The following FAM47C variants were observed in gnomAD, a reference collection of about 807,000 sequenced individuals.
FAM47C encodes putative protein FAM47C.
For synonymous variants in FAM47C, 307 were observed against 346.5 expected, an observed-to-expected ratio of 0.89 and a Z score of 1.27; for missense variants, 847 against 879.9, an observed-to-expected ratio of 0.96 and a Z score of 0.47.
In FAM47C at chrX:37,009,612, C is replaced by T. The variant is rs542100893; in HGVS notation, c.1202C>T (p.Pro401Leu). ...RPETPKNGVS[P>L]LFPEPPKTRI... ...GAGACCCCCAAGAATGGAGTGTCTC[C>T]TCTCTTCCCGGAGCCTCCCAAGACT... The change falls in exon 1 of 1, where the codon CCT becomes CTT. Residue 401 changes from proline to leucine, a missense_variant. Transcript: ENST00000358047. 13 of 1,188,978 alleles carry T rather than the reference C, an allele frequency of 1.1e-5. No individual in the cohort carries two copies. Among genetic ancestry groups the T allele is most frequent in the African/African-American group, 5.8e-5 (3 of 51,760 alleles).
rs1209263193 is a variant in FAM47C, at chrX:37,010,889, C to T, written c.2479C>T (p.Leu827=). 8.2e-7 allele frequency: 1 copy of T among 1,212,163 alleles called. No homozygotes were observed. The stretch of plus-strand genomic sequence containing the variant: ...GACCGGAGCGTCCCATCTAAAAGAA[C>T]TGTTTCAGGAAGGTACATCAAGCAC... The part of the protein sequence containing the change: ...TKTGASHLKE[L]FQEGTSSTME... Residue 827 remains leucine (L), a synonymous_variant, in exon 1 of 1, where the codon CTG becomes TTG. Coordinates refer to ENST00000358047, the MANE Select transcript of FAM47C (RefSeq NM_001013736.3).
chrX:37,008,675 G>A lies in FAM47C; in HGVS notation c.265G>A (p.Asp89Asn). 1 of 1,211,951 alleles carries A rather than the reference G, an allele frequency of 8.3e-7. No homozygotes were observed. ...PKISLRGPQA[D>N]PKSRKKKLLK... ...AATATCTCTCAGAGGTCCCCAAGCT[G>A]ACCCCAAAAGCAGGAAGAAAAAGCT... is the stretch of plus-strand genomic sequence containing the variant. Residue 89 changes from aspartate to asparagine, a missense_variant, in exon 1 of 1, where the codon GAC becomes AAC. By Grantham distance (23) the Asp-to-Asn change is conservative. Transcript: ENST00000358047.
At position 37,010,089 on chromosome X, in the gene FAM47C, C is replaced by T. The variant is rs1475431995; in HGVS notation, c.1679C>T (p.Pro560Leu). 1.7e-6 allele frequency: 2 copies of T among 1,192,887 alleles called. No homozygotes were observed. The highest frequency in any genetic ancestry group is 2.2e-6 in the Non-Finnish European group (2 of 888,963). Residue 560 changes from proline (P) to leucine (L), a missense_variant, in exon 1 of 1, where the codon CCA (proline) becomes CTA (leucine). Physicochemically the swap from Pro to Leu is moderately conservative, Grantham distance 98. Transcript: ENST00000358047. ...GAGACTGGAGTGTCCCATCTCCGCC[C>T]AGAGCCTCCCAAGACTCGGATGTAC... The part of the protein sequence containing the change: ...PPETGVSHLR[P>L]EPPKTRMYSL...
chrX:37,011,277 C>A lies in FAM47C; in HGVS notation c.2867C>A (p.Pro956His), dbSNP rs1556333419. The A allele has an allele frequency of 8.3e-7, 1 of 1,208,355 alleles. No individual in the cohort carries two copies. Among genetic ancestry groups the A allele is most frequent in the African/African-American group, 1.8e-5 (1 of 57,088 alleles). Residue 956 changes from proline to histidine, a missense_variant, in exon 1 of 1, where the codon CCT becomes CAT. Coordinates refer to ENST00000358047, the MANE Select transcript of FAM47C (RefSeq NM_001013736.3). ...KLGKKLRSDE[P>H]LIDPKLVLEK... ...GGGAAAAAGCTAAGAAGTGATGAAC[C>A]TTTGATTGACCCCAAGCTCGTACTT...
Position 37,010,732 on chromosome X carries a change from C to A in FAM47C, c.2322C>A (p.Leu774=), listed in dbSNP as rs782692646. The A allele has an allele frequency of 8.3e-7, 1 of 1,208,104 alleles. No homozygotes were observed. The highest frequency in any genetic ancestry group is 1.1e-6 in the Non-Finnish European group (1 of 894,687). Residue 774 remains leucine, a synonymous_variant, in exon 1 of 1, where the codon CTC becomes CTA. Transcript: ENST00000358047. ...PEPPETGVSH[L]HPELPKPRVS... ...CTCCTGAGACTGGAGTGTCCCATCTCCACCCAGAGCTTCCCAAGCCTCGGG... is the reference window on the plus strand; with the variant it reads ...CTCCTGAGACTGGAGTGTCCCATCTACACCCAGAGCTTCCCAAGCCTCGGG...
chrX:37,009,926 C>T lies in FAM47C; in HGVS notation c.1516C>T (p.Arg506Cys), dbSNP rs370557345. ...SHLCPEPPKT[R>C]VSHLRPEPSE... ...TCTCTGCCCAGAGCCCCCCAAGACA[C>T]GCGTATCTCATCTCCGCCCAGAGCC... Residue 506 changes from arginine to cysteine, a missense_variant, in exon 1 of 1, where the codon CGC (arginine) becomes TGC (cysteine). Transcript: ENST00000358047. 5.0e-6 allele frequency: 6 copies of T among 1,201,034 alleles called. No individual in the cohort carries two copies. The African/African-American group carries it at 7.3e-5, about 15-fold the overall frequency.
rs1470043650 is a variant in FAM47C, at chrX:37,009,591, C to T, written c.1181C>T (p.Thr394Ile). ...KTRVPPLRPE[T>I]PKNGVSPLFP... ...CGCGTACCTCCTCTCCGCCCAGAGA[C>T]CCCCAAGAATGGAGTGTCTCCTCTC... Residue 394 changes from threonine (T) to isoleucine (I), a missense_variant, in exon 1 of 1, where the codon ACC becomes ATC. By Grantham distance (89) the Thr-to-Ile change is moderately conservative. Transcript: ENST00000358047. 2 of 1,209,695 alleles carry T rather than the reference C, an allele frequency of 1.7e-6. No individual in the cohort carries two copies. Among genetic ancestry groups the T allele is most frequent in the Admixed American group, 4.4e-5 (2 of 45,898 alleles).
rs2146859961 is a variant in FAM47C at position 37,010,719 on chromosome X, G to C, written c.2309G>C (p.Gly770Ala). 8.3e-7 allele frequency: 1 copy of C among 1,210,244 alleles called. No individual in the cohort carries two copies. Among genetic ancestry groups the C allele is most frequent in the East Asian group, 3.0e-5 (1 of 33,753 alleles). The change falls in exon 1 of 1, where the codon GGA becomes GCA. Residue 770 changes from glycine (G) to alanine (A), a missense_variant. Transcript: ENST00000358047. ...SHLRPEPPET[G>A]VSHLHPELPK... ...CTCCGCCCGGAGCCTCCTGAGACTG[G>C]AGTGTCCCATCTCCACCCAGAGCTT...
Position 37,010,866 on chromosome X carries a change from C to A in FAM47C, c.2456C>A (p.Thr819Asn), listed in dbSNP as rs78225817. 37 of 1,211,850 alleles carry A rather than the reference C, an allele frequency of 3.1e-5. No homozygotes were observed. The highest frequency in any genetic ancestry group is 4.1e-5 in the Non-Finnish European group (37 of 895,566). ...AGTCTCTGCCCGGAGCCTACCAAGA[C>A]CGGAGCGTCCCATCTAAAAGAACTG... ...VSSLCPEPTK[T>N]GASHLKELFQ... Residue 819 changes from threonine to asparagine, a missense_variant, in exon 1 of 1, where the codon ACC becomes AAC. Physicochemically the swap from Thr to Asn is moderately conservative, Grantham distance 65. Transcript: ENST00000358047.
chrX:37,008,970 C>T lies in FAM47C; in HGVS notation c.560C>T (p.Ser187Phe), dbSNP rs1927678256. ...EPGKYPCGEF[S>F]PRPPETRVSC... ...GGTAAATACCCCTGTGGGGAATTCT[C>T]CCCTCGGCCTCCCGAGACTCGGGTG... Residue 187 changes from serine to phenylalanine, a missense_variant, in exon 1 of 1, where the codon TCC (serine) becomes TTC (phenylalanine). Ser to Phe is a radical substitution (Grantham distance 155). Transcript: ENST00000358047. The T allele has an allele frequency of 5.8e-6, 7 of 1,210,032 alleles. No homozygotes were observed. Among genetic ancestry groups the T allele is most frequent in the African/African-American group, 5.2e-5 (3 of 57,219 alleles).
Position 37,009,701 on chromosome X carries a change from C to T in FAM47C, c.1291C>T (p.Pro431Ser). The T allele has an allele frequency of 8.3e-7, 1 of 1,209,761 alleles. No homozygotes were observed. Among genetic ancestry groups the T allele is most frequent in the Non-Finnish European group, 1.1e-6 (1 of 894,769 alleles). ...AGTGTCCCATCTCTGCCTGGAGCCT[C>T]CCAAGACTCGCGGATCTCATCTCCG... ...IGVSHLCLEP[P>S]KTRGSHLRPE... Residue 431 changes from proline to serine, a missense_variant, in exon 1 of 1, where the codon CCC becomes TCC. By Grantham distance (74) the Pro-to-Ser change is moderately conservative. Transcript: ENST00000358047.
Position 37,011,208 on chromosome X carries a change from A to T in FAM47C, c.2798A>T (p.His933Leu), listed in dbSNP as rs1927792310. Reference sequence around the variant, plus strand: ...GCACCAAATTCTCATAGTGCACAGCATGTGAAGATGGGGTATGGAGCATGG... The same window carrying T: ...GCACCAAATTCTCATAGTGCACAGCTTGTGAAGATGGGGTATGGAGCATGG... ...QNAPNSHSAQ[H>L]VKMGYGAWYL... Residue 933 changes from histidine to leucine, a missense_variant, in exon 1 of 1, where the codon CAT becomes CTT. Coordinates refer to ENST00000358047, the MANE Select transcript of FAM47C (RefSeq NM_001013736.3). 1 of 1,211,482 alleles carries T rather than the reference A, an allele frequency of 8.3e-7. No homozygotes were observed. Among genetic ancestry groups the T allele is most frequent in the Non-Finnish European group, 1.1e-6 (1 of 895,309 alleles).
chrX:37,008,933 C>T lies in FAM47C; in HGVS notation c.523C>T (p.Pro175Ser). 4.1e-6 allele frequency: 5 copies of T among 1,211,502 alleles called. No individual in the cohort carries two copies. The highest frequency in any genetic ancestry group is 5.6e-6 in the Non-Finnish European group (5 of 895,236). ...GGGCCAGGAGAAGACAACTGACGAACCCACGGAGCCTGGTAAATACCCCTG... is the reference window on the plus strand; with the variant it reads ...GGGCCAGGAGAAGACAACTGACGAATCCACGGAGCCTGGTAAATACCCCTG... The part of the protein sequence containing the change: ...CEGQEKTTDE[P>S]TEPGKYPCGE... Residue 175 changes from proline to serine, a missense_variant, in exon 1 of 1, where the codon CCC (proline) becomes TCC (serine). Transcript: ENST00000358047.
Position 37,009,634 on chromosome X carries a change from G to A in FAM47C, c.1224G>A (p.Lys408=), listed in dbSNP as rs1556332227. 2 of 1,208,511 alleles carry A rather than the reference G, an allele frequency of 1.7e-6. No homozygotes were observed. Residue 408 remains lysine, a synonymous_variant, in exon 1 of 1, where the codon AAG becomes AAA. Transcript: ENST00000358047. ...GVSPLFPEPP[K]TRISNLRSEP... is the part of the protein sequence containing the mutation. ...CTCCTCTCTTCCCGGAGCCTCCCAA[G>A]ACTCGCATATCTAATCTCCGCTCGG...
rs376309609 is a variant in FAM47C at position 37,009,200 on chromosome X, G to A, written c.790G>A (p.Glu264Lys). Residue 264 changes from glutamate to lysine, a missense_variant, in exon 1 of 1, where the codon GAG (glutamate) becomes AAG (lysine). Glu to Lys is a moderately conservative substitution (Grantham distance 56, BLOSUM62 1). Transcript: ENST00000358047. ...QVSSLHLEPP[E>K]TGVSHLYLEP... ...GTCCAGTCTCCACCTGGAGCCTCCC[G>A]AGACTGGAGTGTCCCATCTCTACCT... 9 of 1,206,292 alleles carry A rather than the reference G, an allele frequency of 7.5e-6. No homozygotes were observed. Among genetic ancestry groups the A allele is most frequent in the East Asian group, 3.0e-5 (1 of 33,550 alleles).
rs782046931 is a variant in FAM47C, at chrX:37,011,165, G to T, written c.2755G>T (p.Asp919Tyr). The T allele has an allele frequency of 1.7e-5, 20 of 1,210,598 alleles. No individual in the cohort carries two copies. Among genetic ancestry groups the T allele is most frequent in the Non-Finnish European group, 2.2e-5 (20 of 894,926 alleles). Residue 919 changes from aspartate to tyrosine, a missense_variant, in exon 1 of 1, where the codon GAC (aspartate) becomes TAC (tyrosine). By Grantham distance (160) the Asp-to-Tyr change is radical. Coordinates refer to ENST00000358047, the MANE Select transcript of FAM47C (RefSeq NM_001013736.3). ...VKFFSQEKDLDGKIQNAPNSH... is the reference protein window; with the variant it reads ...VKFFSQEKDLYGKIQNAPNSH... ...ATTCTTCTCACAGGAAAAAGACTTG[G>T]ACGGGAAAATCCAGAATGCACCAAA...
At position 37,009,592 on chromosome X, in the gene FAM47C, C is replaced by A. The variant is rs1556332198; in HGVS notation, c.1182C>A (p.Thr394=). 1 of 1,159,941 alleles carries A rather than the reference C, an allele frequency of 8.6e-7. No homozygotes were observed. The highest frequency in any genetic ancestry group is 3.2e-5 in the East Asian group (1 of 31,480). ...GCGTACCTCCTCTCCGCCCAGAGACCCCCAAGAATGGAGTGTCTCCTCTCT... is the reference window on the plus strand; with the variant it reads ...GCGTACCTCCTCTCCGCCCAGAGACACCCAAGAATGGAGTGTCTCCTCTCT... ...KTRVPPLRPE[T]PKNGVSPLFP... is the part of the protein sequence containing the mutation. The change falls in exon 1 of 1, where the codon ACC becomes ACA. Residue 394 remains threonine (T), a synonymous_variant. Coordinates refer to ENST00000358047, the MANE Select transcript of FAM47C (RefSeq NM_001013736.3).
chrX:37,008,938 G>A lies in FAM47C; in HGVS notation c.528G>A (p.Thr176=), dbSNP rs782682157. ...EGQEKTTDEP[T]EPGKYPCGEF... ...AGGAGAAGACAACTGACGAACCCAC[G>A]GAGCCTGGTAAATACCCCTGTGGGG... The change falls in exon 1 of 1, where the codon ACG becomes ACA. Residue 176 remains threonine, a synonymous_variant. Transcript: ENST00000358047. 118 of 1,209,946 alleles carry A rather than the reference G, an allele frequency of 9.8e-5. 1 individual carries two copies. In the South Asian group the frequency reaches 1.7e-3, roughly 18 times the overall value.
Position 37,011,254 on chromosome X carries a change from G to GA in FAM47C, c.2849dup (p.Leu951AlafsTer4), listed in dbSNP as rs1927794044. On this transcript the variant is annotated frameshift_variant, in exon 1 of 1. Transcript: ENST00000358047. LOFTEE classifies it low-confidence loss of function (END_TRUNC). ...CATGGTACCTCAAGCCTAAGTTGGG[G>GA]AAAAAGCTAAGAAGTGATGAACCTT... 8.3e-7 allele frequency: 1 copy of GA among 1,210,686 alleles called. No homozygotes were observed. Among genetic ancestry groups the GA allele is most frequent in the East Asian group, 3.0e-5 (1 of 33,832 alleles).
Sources: gnomAD v4.1 joint callset for allele counts on GRCh38, gnomAD v4.1.1 for gene constraint, MANE v1.5 for transcripts, NCBI Gene and HGNC (gene_info 2026-07-23, HGNC 2026-07-21) for gene names.